Variants in OCA2 observed in about 807,000 individuals in gnomAD.
OCA2 encodes the protein OCA2 melanosomal transmembrane protein.
Under a neutral mutation model 100.2 loss-of-function variants are expected in OCA2, and 77 were observed. The ratio of observed to expected loss-of-function variants is 0.77; its 90% CI spans 0.64 to 0.93. The LOEUF is 0.93. OCA2 is among the 40% of genes least tolerant of loss of function. OCA2 has a pLI of 0.00. For missense variants in OCA2, 1,062 were observed against 1,089.1 expected (o/e 0.98, Z 0.35); for synonymous variants, 432 against 439.2 (o/e 0.98, Z 0.21).
intron 23 of OCA2, chr15:27,775,789 C>G (rs1173106255): frequency 6.6e-6 from 1 of 152,388 alleles, no homozygotes; most frequent in African/African-American, 2.4e-5. Context: ...CAATGTTTTC[C>G]TCTGTGAGTG....
At chr15:28,022,798 G>C (rs1298738808) in intron 5 of OCA2, among the ~76,000 whole-genome samples, 1 of 152,136 alleles carries the variant, frequency 6.6e-6, no homozygotes, top group Non-Finnish European at 1.5e-5. Flanking sequence ...CAAATTTAAG[G>C]ATTAAATGCC....
chr15:27,815,048 G>A (rs1002469378), intron 23 of OCA2, among the ~76,000 whole-genome samples: 1 of 152,116 alleles, frequency 6.6e-6, no homozygotes, highest in African/African-American at 2.4e-5. Flanking sequence ...GCACCCCGAG[G>A]GAGAGCAGGG....
intron 23 of OCA2, among the ~76,000 whole-genome samples, chr15:27,798,160 T>C (rs2033429232): frequency 6.6e-6 from 1 of 152,164 alleles, no homozygotes; most frequent in Admixed American, 6.5e-5. Context: ...AAAATGTCTT[T>C]TAAGATGGGA....
chr15:27,721,790 T>C, the OCA2 span, among the ~76,000 whole-genome samples: 1 of 152,236 alleles, frequency 6.6e-6, no homozygotes, highest in Admixed American at 6.5e-5. Context: ...CTTACTCTCT[T>C]GTTTAAAGCC....
At chr15:27,913,903 GCAAGCA>G (rs2038553036) in intron 19 of OCA2, among the ~76,000 whole-genome samples, 2 of 39,984 alleles carry the variant, frequency 5.0e-5, no homozygotes, top group African/African-American at 2.2e-4. Flanking sequence ...AAGCAAGCAA[GCAAGCA>G]AGCAAGCAAG....
intron 9 of OCA2, among the ~76,000 whole-genome samples, chr15:27,997,958 C>G (rs1385419786): frequency 8.0e-6 from 1 of 125,502 alleles, no homozygotes; most frequent in Non-Finnish European, 1.9e-5. Context: ...TGGGAGTTCA[C>G]TCATGATTTG....
chr15:28,017,588 G>A lies in OCA2; in HGVS notation c.807+809C>T, dbSNP rs75228873. Among the ~76,000 whole-genome samples the A allele has an allele frequency of 4.3e-3, 660 of 152,292 alleles. 9 individuals carry two copies. The highest frequency in any genetic ancestry group is 0.015 in the African/African-American group (635 of 41,554). On this transcript the variant is annotated intron_variant, in intron 7 of 23. Coordinates refer to ENST00000354638, the MANE Select transcript of OCA2 (RefSeq NM_000275.3). ...AGAACATTGGTGTTGCGTCAGCCAC[G>A]GTCCAGGACACTGCATGCTAGTTCA... is the stretch of plus-strand genomic sequence containing the variant.
chr15:27,993,851 A>C (rs1183147219), intron 9 of OCA2, among the ~76,000 whole-genome samples: 1 of 152,168 alleles, frequency 6.6e-6, no homozygotes, highest in Non-Finnish European at 1.5e-5. Flanking sequence ...CTTCCCATTT[A>C]AAAAATGGAA....
At chr15:28,031,969 T>G in intron 3 of OCA2, 96 bp downstream of exon 3, 1 of 872,020 alleles carries the variant, frequency 1.1e-6, no homozygotes, top group Non-Finnish European at 2.0e-6. Flanking sequence ...AGGTTAAACA[T>G]GTCCAATAAA....
chr15:28,032,411 A>T (rs2042931565), intron 2 of OCA2, among the ~76,000 whole-genome samples: 1 of 152,204 alleles, frequency 6.6e-6, no homozygotes, highest in African/African-American at 2.4e-5. Flanking sequence ...ATACTATGGG[A>T]TGACACTTTT....
intron 9 of OCA2, among the ~76,000 whole-genome samples, chr15:27,991,543 C>T (rs2141025073): frequency 6.6e-6 from 1 of 152,242 alleles, no homozygotes; most frequent in East Asian, 1.9e-4. Flanking sequence ...ACAGAAAGAT[C>T]AGGGCTGCCC....
intron 19 of OCA2, among the ~76,000 whole-genome samples, chr15:27,893,805 C>A (rs1407175388): frequency 1.3e-5 from 2 of 152,170 alleles, no homozygotes; most frequent in Non-Finnish European, 2.9e-5. Flanking sequence ...TGAACATAGA[C>A]CCTTATCAGT....
intron 15 of OCA2, among the ~76,000 whole-genome samples, chr15:27,959,078 A>C (rs543074221): frequency 6.6e-6 from 1 of 152,214 alleles, no homozygotes; most frequent in South Asian, 2.1e-4. Context: ...CTGGAAACGA[A>C]GCATGTCATG....
intron 11 of OCA2, among the ~76,000 whole-genome samples, chr15:27,986,916 C>CA (rs1380499007): frequency 2.0e-5 from 3 of 152,058 alleles, no homozygotes; most frequent in Admixed American, 1.3e-4. Context: ...TCCTCACACA[C>CA]AAAAAAATCA....
At chr15:27,892,562 A>G (rs1215497753) in intron 19 of OCA2, among the ~76,000 whole-genome samples, 2 of 152,156 alleles carry the variant, frequency 1.3e-5, no homozygotes, top group Non-Finnish European at 2.9e-5. Context: ...ACCGAAATAT[A>G]ACTGTGACAA....
chr15:28,084,169 CTG>C (rs1326067716), intron 1 of OCA2, among the ~76,000 whole-genome samples: 1 of 152,220 alleles, frequency 6.6e-6, no homozygotes, highest in Non-Finnish European at 1.5e-5. Context: ...AAGATGCTGT[CTG>C]TGAACCAGGA....
At chr15:27,785,770 C>T (rs2032784791) in intron 23 of OCA2, among the ~76,000 whole-genome samples, 3 of 152,156 alleles carry the variant, frequency 2.0e-5, no homozygotes, top group Admixed American at 2.0e-4. Flanking sequence ...AAAGCAGGGA[C>T]TTGAACAGAT....
the OCA2 span, among the ~76,000 whole-genome samples, chr15:27,748,320 C>A: frequency 6.6e-6 from 1 of 152,104 alleles, no homozygotes; most frequent in African/African-American, 2.4e-5. Flanking sequence ...TGGGGGAGAA[C>A]CTCAAAACAA....
At chr15:28,086,119 C>T (rs1384166503) in intron 1 of OCA2, among the ~76,000 whole-genome samples, 1 of 152,208 alleles carries the variant, frequency 6.6e-6, no homozygotes, top group East Asian at 1.9e-4. Context: ...CTACACACTC[C>T]TCCCCCAATG....
Sources: allele counts gnomAD v4.1 joint callset (sites outside exome capture counted in the v4.1 genomes callset), GRCh38; gene constraint gnomAD v4.1.1; transcripts MANE v1.5; gene names NCBI Gene and HGNC (gene_info 2026-07-23, HGNC 2026-07-21).